The following PTPRD variants were observed in gnomAD, a reference collection of about 807,000 sequenced individuals.
The protein encoded by PTPRD is receptor-type tyrosine-protein phosphatase delta.
PTPRD carries 34 observed loss-of-function variants against 214.5 expected under a neutral mutation model. That is an observed-to-expected ratio of 0.16 (90% CI 0.12 to 0.21). PTPRD has a LOEUF of 0.21. Among genes scored for constraint, PTPRD ranks in the 10% least tolerant of loss-of-function variants. The probability of loss-of-function intolerance (pLI) is 1.00; values close to 1 mark genes in which losing one functional copy is unlikely to be tolerated. For synonymous variants in PTPRD, 1,128 were observed against 845.7 expected (o/e 1.33, Z -5.79); for missense variants, 2,545 against 2,398.7 (o/e 1.06, Z -1.27).
rs114376051 is a variant in PTPRD, at chr9:8,669,045, G to C, written c.65-32201C>G. On this transcript the variant is annotated intron_variant, in intron 12 of 45. Transcript: ENST00000381196. ...TGGGGAGTTCAGCGGAGAGAGAGAAGACTCAATTCTCTCTCCTCTCTATGG... is the reference window on the plus strand; with the variant it reads ...TGGGGAGTTCAGCGGAGAGAGAGAACACTCAATTCTCTCTCCTCTCTATGG... Among the ~76,000 whole-genome samples, 1,199 of 152,178 alleles carry C rather than the reference G, an allele frequency of 7.9e-3. 26 individuals carry two copies. The highest frequency in any genetic ancestry group is 0.028 in the African/African-American group (1,146 of 41,530).
Position 10,472,731 on chromosome 9 carries a change from C to G in PTPRD, c.-599-131714G>C, listed in dbSNP as rs549700706. Among the ~76,000 whole-genome samples the G allele has an allele frequency of 3.3e-5, 5 of 152,086 alleles. No individual in the cohort carries two copies. In the South Asian group the frequency reaches 1.0e-3, roughly 32 times the overall value. ...TCTGTACCTAGGTAGCTAGAATTCT[C>G]TTATACATGGAGAATACTTATAACA... is the stretch of plus-strand genomic sequence containing the variant. On this transcript the variant is annotated intron_variant, in intron 2 of 45. Coordinates refer to ENST00000381196, the MANE Select transcript of PTPRD (RefSeq NM_002839.4).
intron 11 of PTPRD, among the ~76,000 whole-genome samples, chr9:8,941,041 C>G (rs2099030904): frequency 1.3e-5 from 2 of 152,100 alleles, no homozygotes; most frequent in African/African-American, 2.4e-5. Context: ...CAGTAATAAC[C>G]CATCAGGAAC....
At chr9:9,495,009 T>G (rs1051011857) in intron 8 of PTPRD, among the ~76,000 whole-genome samples, 3 of 151,912 alleles carry the variant, frequency 2.0e-5, no homozygotes, top group African/African-American at 7.3e-5. Context: ...AAATAAACAC[T>G]CACATATTTG....
chr9:9,099,060 A>T (rs867735950), intron 10 of PTPRD, among the ~76,000 whole-genome samples: 10 of 152,352 alleles, frequency 6.6e-5, no homozygotes, highest in Middle Eastern at 3.4e-3. Flanking sequence ...GCAAGTGAGT[A>T]CAATGACATT....
chr9:9,424,318 C>T (rs1412868297), intron 8 of PTPRD, among the ~76,000 whole-genome samples: 4 of 152,176 alleles, frequency 2.6e-5, no homozygotes, highest in Admixed American at 2.6e-4. Context: ...GAAACTAAGA[C>T]AGTTGGTGCT....
At position 10,049,442 on chromosome 9, in the gene PTPRD, A is replaced by AAGAAAGAAAGAAAGAAAGAAAAG. The variant is rs1242275018; in HGVS notation, c.-544-15653_-544-15652insCTTTTCTTTCTTTCTTTCTTTCT. ...AAGAAAGAAAGAAAGAAAGAAAAGA[A>AAGAAAGAAAGAAAGAAAGAAAAG]AAAAAAAAACCCTTCTATATGTGTG... is the stretch of plus-strand genomic sequence containing the variant. On this transcript the variant is annotated intron_variant, in intron 3 of 45. Transcript: ENST00000381196. Among the ~76,000 whole-genome samples the AAGAAAGAAAGAAAGAAAGAAAAG allele has an allele frequency of 1.1e-4, 9 of 82,260 alleles. No individual in the cohort carries two copies. The East Asian group carries it at 6.0e-3, about 55-fold the overall frequency. The allele number at this position is 82,260 out of a possible 152,430, so 54.0% of individuals were successfully genotyped here.
At chr9:10,519,060 T>A (rs1276058517) in intron 2 of PTPRD, among the ~76,000 whole-genome samples, 1 of 151,894 alleles carries the variant, frequency 6.6e-6, no homozygotes, top group Non-Finnish European at 1.5e-5. Flanking sequence ...TTTCTGATAC[T>A]ACAAATCCAG....
intron 10 of PTPRD, among the ~76,000 whole-genome samples, chr9:9,033,713 C>T (rs952953661): frequency 1.3e-5 from 2 of 152,064 alleles, no homozygotes; most frequent in African/African-American, 4.8e-5. Flanking sequence ...TATCTCTGTT[C>T]TTTTATTCTC....
intron 7 of PTPRD, among the ~76,000 whole-genome samples, chr9:9,576,428 G>A (rs1364399280): frequency 1.3e-5 from 2 of 152,074 alleles, no homozygotes; most frequent in Admixed American, 6.6e-5. Flanking sequence ...ATCACTTTCT[G>A]CTTTCATTAA....
chr9:8,532,659 C>T (rs575370786), intron 14 of PTPRD, among the ~76,000 whole-genome samples: 1 of 152,016 alleles, frequency 6.6e-6, no homozygotes, highest in South Asian at 2.1e-4. Flanking sequence ...TTCAATCATG[C>T]AGAATTAGCT....
chr9:10,510,108 A>T (rs1438028950), intron 2 of PTPRD, among the ~76,000 whole-genome samples: 1 of 152,086 alleles, frequency 6.6e-6, no homozygotes, highest in Non-Finnish European at 1.5e-5. Flanking sequence ...ATTATCAACT[A>T]GAGTACAGTG....
intron 2 of PTPRD, among the ~76,000 whole-genome samples, chr9:10,490,234 T>G (rs948405958): frequency 6.6e-6 from 1 of 152,180 alleles, no homozygotes; most frequent in Non-Finnish European, 1.5e-5. Context: ...ATTAGGGAAC[T>G]AATGACATCC....
At chr9:9,412,326 A>G (rs2075711388) in intron 8 of PTPRD, among the ~76,000 whole-genome samples, 1 of 152,108 alleles carries the variant, frequency 6.6e-6, no homozygotes, top group African/African-American at 2.4e-5. Flanking sequence ...CATCTCAAAC[A>G]CCCATGCCTA....
intron 5 of PTPRD, among the ~76,000 whole-genome samples, chr9:9,910,236 G>A (rs908386624): frequency 1.3e-5 from 2 of 151,970 alleles, no homozygotes; most frequent in Admixed American, 6.6e-5. Flanking sequence ...TTGTATTATT[G>A]TAGAGTTTCA....
chr9:8,482,741 T>A (rs1206531595), intron 30 of PTPRD, among the ~76,000 whole-genome samples: 1 of 152,220 alleles, frequency 6.6e-6, no homozygotes, highest in Non-Finnish European at 1.5e-5. Context: ...GGCTCTTGTA[T>A]GCCTCCTTCT....
chr9:10,604,903 A>G (rs2078908364), intron 2 of PTPRD, among the ~76,000 whole-genome samples: 1 of 151,944 alleles, frequency 6.6e-6, no homozygotes, highest in South Asian at 2.1e-4. Flanking sequence ...GTGAAACAAT[A>G]TATCATCTTG....
At chr9:8,529,478 G>A (rs891978816) in intron 14 of PTPRD, among the ~76,000 whole-genome samples, 5 of 152,088 alleles carry the variant, frequency 3.3e-5, no homozygotes. Context: ...TCCTTACAGG[G>A]ATAAGAGAAT....
At chr9:8,644,004 G>A (rs1035414626) in intron 12 of PTPRD, among the ~76,000 whole-genome samples, 1 of 152,160 alleles carries the variant, frequency 6.6e-6, no homozygotes, top group Non-Finnish European at 1.5e-5. Flanking sequence ...GACCGCCCAT[G>A]GCTGTCCATG....
At chr9:9,956,338 A>C (rs1194592590) in intron 4 of PTPRD, among the ~76,000 whole-genome samples, 1 of 151,788 alleles carries the variant, frequency 6.6e-6, no homozygotes, top group African/African-American at 2.4e-5. Flanking sequence ...AAAGTAGTGT[A>C]GTGATTTAAT....
Sources: gnomAD v4.1 joint callset for allele counts (sites outside exome capture counted in the v4.1 genomes callset) on GRCh38, gnomAD v4.1.1 for gene constraint, MANE v1.5 for transcripts, NCBI Gene and HGNC (gene_info 2026-07-23, HGNC 2026-07-21) for gene names.